Variants in ARPP21 observed in about 807,000 individuals in gnomAD.
The protein encoded by ARPP21 is cAMP regulated phosphoprotein 21, also known as cAMP-regulated phosphoprotein 21.
ARPP21 carries 69 observed loss-of-function variants against 113.2 expected under a neutral mutation model. The observed-to-expected ratio is 0.61, with a 90% CI of 0.50 to 0.74. The LOEUF is 0.74. Among genes scored for constraint, ARPP21 ranks in the 30% least tolerant of loss-of-function variants. The pLI is 0.00. For missense variants in ARPP21, 1,070 were observed against 1,037.4 expected (o/e 1.03, Z -0.43); for synonymous variants, 368 against 375.5 (o/e 0.98, Z 0.23).
At chr3:35,683,156 T>C (rs1271762775) in intron 4 of ARPP21, among the ~76,000 whole-genome samples, 1 of 151,792 alleles carries the variant, frequency 6.6e-6, no homozygotes. Flanking sequence ...TTAAGAGATT[T>C]GACAGTACTT....
At chr3:35,660,625 C>T (rs1355699664) in intron 1 of ARPP21, among the ~76,000 whole-genome samples, 1 of 152,122 alleles carries the variant, frequency 6.6e-6, no homozygotes, top group African/African-American at 2.4e-5. Context: ...GTGTGTGTAA[C>T]AAGAGGTTAA....
chr3:35,762,332 G>A (rs2095813750), intron 19 of ARPP21, among the ~76,000 whole-genome samples: 2 of 152,104 alleles, frequency 1.3e-5, no homozygotes, highest in South Asian at 4.2e-4. Flanking sequence ...TGATATTTGT[G>A]ATTAATATCA....
intron 15 of ARPP21, among the ~76,000 whole-genome samples, chr3:35,734,615 G>T (rs2094218062): frequency 6.6e-6 from 1 of 152,146 alleles, no homozygotes; most frequent in Non-Finnish European, 1.5e-5. Flanking sequence ...AAAGTTTCTT[G>T]TTACTAACAC....
chr3:35,724,173 C>T (rs2150355897), intron 14 of ARPP21, among the ~76,000 whole-genome samples: 1 of 152,264 alleles, frequency 6.6e-6, no homozygotes, highest in East Asian at 1.9e-4. Flanking sequence ...TGGAAGGAAG[C>T]ATATTACTGA....
In ARPP21 at chr3:35,681,838, T is replaced by C. The variant is rs1341317897; in HGVS notation, c.87T>C (p.Val29=). 1 of 1,612,080 alleles carries C rather than the reference T, an allele frequency of 6.2e-7. No homozygotes were observed. Among genetic ancestry groups the C allele is most frequent in the Non-Finnish European group, 8.5e-7 (1 of 1,178,828 alleles). ...QETATPENGI[V]KSESLDEEEK... ...CGGCCACTCCAGAGAACGGCATTGT[T>C]AAATCAGAAAGTCTGGATGAAGAGG... Residue 29 remains valine (V), a synonymous_variant, in exon 3 of 21, where the codon GTT becomes GTC. Coordinates refer to ENST00000684406, the MANE Select transcript of ARPP21 (RefSeq NM_001385562.1).
intron 6 of ARPP21, 85 bp downstream of exon 6, chr3:35,687,968 C>T (rs1215638971): frequency 2.4e-6 from 3 of 1,241,476 alleles, no homozygotes; most frequent in African/African-American, 3.1e-5. Context: ...CATGCATATT[C>T]ACCTCCCACC....
chr3:35,783,840 G>A lies in ARPP21; in HGVS notation c.2138-8542G>A, dbSNP rs189168583. ...CTATGCCTGTATATTTACAATTCTC[G>A]AATGCATTTTTTTGTATCTTTGCCC... On this transcript the variant is annotated intron_variant, in intron 19 of 20. Transcript: ENST00000684406. Among the ~76,000 whole-genome samples the A allele has an allele frequency of 9.9e-5, 15 of 152,090 alleles. No individual in the cohort carries two copies. In the East Asian group the frequency reaches 1.4e-3, roughly 14 times the overall value.
intron 1 of ARPP21, among the ~76,000 whole-genome samples, chr3:35,665,474 T>G (rs1239848080): frequency 6.6e-6 from 1 of 152,182 alleles, no homozygotes; most frequent in African/African-American, 2.4e-5. Context: ...TCAAAATGTG[T>G]ACTTAGATAC....
intron 13 of ARPP21, among the ~76,000 whole-genome samples, chr3:35,720,105 T>C (rs1252374066): frequency 6.6e-6 from 1 of 152,212 alleles, no homozygotes; most frequent in East Asian, 1.9e-4. Context: ...AAGTGGTTCT[T>C]ATTTCTAAAA....
At chr3:35,770,565 C>T (rs2096163077) in intron 19 of ARPP21, among the ~76,000 whole-genome samples, 1 of 152,172 alleles carries the variant, frequency 6.6e-6, no homozygotes. Context: ...GAAGAATGGT[C>T]TGAAGACACA....
At chr3:35,762,232 T>C (rs2095810744) in intron 19 of ARPP21, among the ~76,000 whole-genome samples, 1 of 151,946 alleles carries the variant, frequency 6.6e-6, no homozygotes, top group Admixed American at 6.6e-5. Context: ...CTTCAAATAT[T>C]TTCAATTAAA....
At chr3:35,712,734 A>G (rs1226128994) in intron 11 of ARPP21, among the ~76,000 whole-genome samples, 2 of 152,192 alleles carry the variant, frequency 1.3e-5, no homozygotes, top group Non-Finnish European at 2.9e-5. Flanking sequence ...AAATAGTTGT[A>G]AGTCAAAACA....
At chr3:35,720,399 A>G (rs1382050076) in intron 13 of ARPP21, among the ~76,000 whole-genome samples, 1 of 152,228 alleles carries the variant, frequency 6.6e-6, no homozygotes, top group African/African-American at 2.4e-5. Context: ...CTGTCTGTAC[A>G]ATTTTGTCGG....
At chr3:35,738,705 C>A (rs913068495) in intron 17 of ARPP21, among the ~76,000 whole-genome samples, 2 of 152,176 alleles carry the variant, frequency 1.3e-5, no homozygotes, top group African/African-American at 4.8e-5. Context: ...GTAGGTGCCC[C>A]CGCAATTCCA....
At chr3:35,680,651 G>A (rs1381680024) in intron 2 of ARPP21, among the ~76,000 whole-genome samples, 4 of 151,872 alleles carry the variant, frequency 2.6e-5, no homozygotes, top group African/African-American at 9.7e-5. Context: ...GAATGGGACA[G>A]TTATTGCTTG....
chr3:35,784,668 C>T (rs1182599720), intron 19 of ARPP21, among the ~76,000 whole-genome samples: 2 of 152,032 alleles, frequency 1.3e-5, no homozygotes, highest in Non-Finnish European at 2.9e-5. Flanking sequence ...GATGGTACCA[C>T]CAGAACAATA....
intron 9 of ARPP21, among the ~76,000 whole-genome samples, chr3:35,695,591 C>T (rs1177567713): frequency 1.3e-5 from 2 of 151,496 alleles, no homozygotes; most frequent in African/African-American, 2.4e-5. Context: ...GTATACCAAA[C>T]ATCCAGCAGA....
intron 1 of ARPP21, among the ~76,000 whole-genome samples, chr3:35,660,978 C>G (rs1489668881): frequency 6.6e-6 from 1 of 152,122 alleles, no homozygotes; most frequent in African/African-American, 2.4e-5. Context: ...TTGTTTTTAG[C>G]AGATTATAAA....
intron 13 of ARPP21, among the ~76,000 whole-genome samples, chr3:35,720,213 G>A (rs749165155): frequency 4.6e-5 from 7 of 152,134 alleles, no homozygotes; most frequent in Non-Finnish European, 7.4e-5. Flanking sequence ...ACTCGAAAGC[G>A]CTTTTTGTTT....
Sources: allele counts gnomAD v4.1 joint callset (sites outside exome capture counted in the v4.1 genomes callset), GRCh38; gene constraint gnomAD v4.1.1; transcripts MANE v1.5; gene names NCBI Gene and HGNC (gene_info 2026-07-23, HGNC 2026-07-21).